Variants in HDLBP observed in about 807,000 individuals in gnomAD.
HDLBP encodes the protein high density lipoprotein binding protein, also known as vigilin.
A neutral mutation model predicts 137.3 loss-of-function variants in HDLBP; 30 were observed. That is an observed-to-expected ratio of 0.22 (90% CI 0.16 to 0.30). The LOEUF (loss-of-function observed/expected upper bound fraction) is 0.30. HDLBP is among the 10% of genes least tolerant of loss of function. The probability of loss-of-function intolerance (pLI) is 1.00; values close to 1 mark genes in which losing one functional copy is unlikely to be tolerated. For synonymous variants in HDLBP, 606 were observed against 596.0 expected (o/e 1.02, Z -0.24); for missense variants, 1,119 against 1,667.3 (o/e 0.67, Z 5.73).
At chr2:241,285,053 G>C (rs1230345497) in intron 1 of HDLBP, among the ~76,000 whole-genome samples, 1 of 152,166 alleles carries the variant, frequency 6.6e-6, no homozygotes, top group African/African-American at 2.4e-5. Flanking sequence ...GCTAATTTTC[G>C]TACTTTTAGT....
In HDLBP at chr2:241,272,683, C is replaced by G. The variant is rs1250397131; in HGVS notation, c.-102-4142G>C. The G allele has an allele frequency of 1.3e-6, 1 of 781,802 alleles. No homozygotes were observed. The highest frequency in any genetic ancestry group is 2.0e-5 in the African/African-American group (1 of 50,518). 48.4% of individuals were successfully genotyped at this position (781,802 alleles called of 1,614,324 possible). On this transcript the variant is annotated intron_variant, in intron 1 of 27. Transcript: ENST00000310931. The surrounding 1 kb of genome is among the most constrained non-coding windows in gnomAD (Gnocchi z 5.6). Reference sequence around the variant, plus strand: ...GCGGCCTCCACGTCAGCAGCCACCCCCCACCCCCCCGCCCGGCAGCCCGCC... The same window carrying G: ...GCGGCCTCCACGTCAGCAGCCACCCGCCACCCCCCCGCCCGGCAGCCCGCC...
intron 23 of HDLBP, 152 bp from the exon 24 acceptor site, chr2:241,234,115 T>A: frequency 1.3e-6 from 1 of 777,734 alleles, no homozygotes; most frequent in Non-Finnish European, 2.1e-6. Context: ...TGGTCCGACC[T>A]CTGCCACCTT....
At chr2:241,287,439 G>A (rs564308224) in intron 1 of HDLBP, among the ~76,000 whole-genome samples, 230 of 133,732 alleles carry the variant, frequency 1.7e-3, no homozygotes, top group Admixed American at 5.4e-3. Flanking sequence ...TTTTTTTTCT[G>A]AGACAGGGTC....
In HDLBP at chr2:241,249,836, C is replaced by T. The variant is rs1206006442; in HGVS notation, c.1512+5G>A. The T allele has an allele frequency of 1.2e-6, 2 of 1,600,170 alleles. No individual in the cohort carries two copies. Among genetic ancestry groups the T allele is most frequent in the East Asian group, 2.2e-5 (1 of 44,868 alleles). ...CTTTCTAGAGGGCCCAGCCATGGCA[C>T]TTACCATGCGAGATGCAAGCTCCAG... On this transcript the variant is annotated splice_donor_5th_base_variant and intron_variant, in intron 12 of 27. Transcript: ENST00000310931.
intron 20 of HDLBP, among the ~76,000 whole-genome samples, chr2:241,237,151 G>T (rs1388758918): frequency 6.6e-6 from 1 of 152,222 alleles, no homozygotes; most frequent in Non-Finnish European, 1.5e-5. Context: ...GCACAAGTGA[G>T]GCTTGACTGT....
At position 241,251,601 on chromosome 2, in the gene HDLBP, T is replaced by A. The variant is rs550403567; in HGVS notation, c.1372+1356A>T. The stretch of plus-strand genomic sequence containing the variant: ...TGCCTTCTCACCTTCCACCCAAAGG[T>A]AACACACGCGACGTGTGCACTTGTT... On this transcript the variant is annotated intron_variant, in intron 11 of 27. Coordinates refer to ENST00000310931, the MANE Select transcript of HDLBP (RefSeq NM_005336.6). Among the ~76,000 whole-genome samples, 8 of 152,212 alleles carry A rather than the reference T, an allele frequency of 5.3e-5. No individual in the cohort carries two copies. The South Asian group carries it at 8.3e-4, about 16-fold the overall frequency.
intron 1 of HDLBP, among the ~76,000 whole-genome samples, chr2:241,285,947 C>A (rs1462208734): frequency 6.6e-5 from 10 of 152,124 alleles, no homozygotes; most frequent in Admixed American, 6.5e-4. Flanking sequence ...TCATTTGAAC[C>A]CAATTTGAAG....
intron 1 of HDLBP, among the ~76,000 whole-genome samples, chr2:241,305,184 C>T (rs570719027): frequency 1.3e-5 from 2 of 152,304 alleles, no homozygotes; most frequent in East Asian, 1.9e-4. Context: ...AGTGCAGTGG[C>T]GCGATCTTGG....
In HDLBP at chr2:241,272,343, CCCG is replaced by C; in HGVS notation, c.-102-3805_-102-3803del. On this transcript the variant is annotated intron_variant, in intron 1 of 27. Transcript: ENST00000310931. This position sits in a 1 kb window ranked among gnomAD's most constrained non-coding sequence, Gnocchi z 5.6. ...CGGAGCGGGGGAGGGGAGGGCCGGCCCCGCCAACGTCAGCGACCTGGGCTCAGG... is the reference window on the plus strand; with the variant it reads ...CGGAGCGGGGGAGGGGAGGGCCGGCCCCAACGTCAGCGACCTGGGCTCAGG... 1.0e-6 allele frequency: 1 copy of C among 984,424 alleles called. No homozygotes were observed. The highest frequency in any genetic ancestry group is 1.2e-6 in the Non-Finnish European group (1 of 829,296). The allele number at this position is 984,424 out of a possible 1,614,324, so 61.0% of individuals were successfully genotyped here.
chr2:241,291,967 CCA>C (rs1337743680), intron 1 of HDLBP, among the ~76,000 whole-genome samples: 2 of 152,178 alleles, frequency 1.3e-5, no homozygotes, highest in Admixed American at 6.5e-5. Flanking sequence ...CTGATTTCAG[CCA>C]CAGTGTTGTA....
At chr2:241,299,346 G>A (rs182744341) in intron 1 of HDLBP, among the ~76,000 whole-genome samples, 6 of 149,990 alleles carry the variant, frequency 4.0e-5, no homozygotes, top group East Asian at 2.0e-4. Context: ...TGGTGAAACC[G>A]TCTCTACTAA....
At chr2:241,256,997 T>C (rs913893442) in intron 5 of HDLBP, among the ~76,000 whole-genome samples, 191 bp from the exon 6 acceptor site, 5 of 152,066 alleles carry the variant, frequency 3.3e-5, no homozygotes, top group Non-Finnish European at 7.4e-5. Context: ...CAGGTTAGGG[T>C]AAGTTCGAGT....
intron 3 of HDLBP, among the ~76,000 whole-genome samples, chr2:241,265,137 G>A (rs2073552436): frequency 6.6e-6 from 1 of 152,222 alleles, no homozygotes; most frequent in African/African-American, 2.4e-5. Context: ...TTGCCGTGGA[G>A]GCCGGGCGTG....
intron 2 of HDLBP, 39 bp from the exon 3 acceptor site, chr2:241,266,945 C>A: frequency 7.1e-7 from 1 of 1,403,468 alleles, no homozygotes; most frequent in Non-Finnish European, 1.0e-6. Context: ...CAAAGTACAA[C>A]CCTCAATTAT....
At chr2:241,273,668 C>A in intron 1 of HDLBP, 1 of 985,152 alleles carries the variant, frequency 1.0e-6, no homozygotes, top group Non-Finnish European at 1.2e-6. Context: ...CTGCATAGGG[C>A]ACAGGATCAA....
chr2:241,280,549 A>G (rs1484783744), intron 1 of HDLBP, among the ~76,000 whole-genome samples: 6 of 152,318 alleles, frequency 3.9e-5, no homozygotes, highest in African/African-American at 1.4e-4. Flanking sequence ...CTCCAGTGAC[A>G]CTGTTCTCTG....
chr2:241,238,972 G>C lies in HDLBP; in HGVS notation c.2611-185C>G, dbSNP rs1249047177. On this transcript the variant is annotated intron_variant, in intron 19 of 27. Transcript: ENST00000310931. This position sits in a 1 kb window ranked among gnomAD's most constrained non-coding sequence, Gnocchi z 4.9. ...AGGGAGGTAGCAGGACAGGTCTAAG[G>C]GGGTGGGCCTCCTCTGAAATGTGTC... Among the ~76,000 whole-genome samples the C allele has an allele frequency of 2.6e-5, 4 of 152,208 alleles. No homozygotes were observed. The highest frequency in any genetic ancestry group is 1.3e-4 in the Admixed American group (2 of 15,288).
At position 241,238,883 on chromosome 2, in the gene HDLBP, C is replaced by A; in HGVS notation, c.2611-96G>T. ...TCTTCACACCACCTTCCTCCCTGTC[C>A]TCTACAGCCACTTGGCACAGATGCT... On this transcript the variant is annotated intron_variant, in intron 19 of 27. Transcript: ENST00000310931. The surrounding 1 kb of genome is among the most constrained non-coding windows in gnomAD (Gnocchi z 4.9). 2 of 999,632 alleles carry A rather than the reference C, an allele frequency of 2.0e-6. No individual in the cohort carries two copies. The highest frequency in any genetic ancestry group is 2.3e-5 in the South Asian group (1 of 43,242). The allele number at this position is 999,632 out of a possible 1,614,324, so 61.9% of individuals were successfully genotyped here.
rs1460500560 is a variant in HDLBP, at chr2:241,273,779, C to T, written c.-102-5238G>A. Reference sequence around the variant, plus strand: ...GGGTCAGGTCCGCACAGCCTGCAGCCAGGCCACGGGTGCTGTTGAGGATGG... The same window carrying T: ...GGGTCAGGTCCGCACAGCCTGCAGCTAGGCCACGGGTGCTGTTGAGGATGG... On this transcript the variant is annotated intron_variant, in intron 1 of 27. Transcript: ENST00000310931. 3 of 504,790 alleles carry T rather than the reference C, an allele frequency of 5.9e-6. No homozygotes were observed. In the African/African-American group the frequency reaches 6.3e-5, roughly 11 times the overall value. The allele number at this position is 504,790 out of a possible 1,614,324, so 31.3% of individuals were successfully genotyped here.
Sources: allele counts gnomAD v4.1 joint callset (sites outside exome capture counted in the v4.1 genomes callset), GRCh38; gene constraint gnomAD v4.1.1; non-coding constraint Gnocchi (gnomAD v3.1); transcripts MANE v1.5; gene names NCBI Gene and HGNC (gene_info 2026-07-23, HGNC 2026-07-21).